The following CEP120 variants were observed in gnomAD, a reference collection of about 807,000 sequenced individuals.
CEP120 encodes the protein centrosomal protein 120.
Under a neutral mutation model 126.5 loss-of-function variants are expected in CEP120, and 113 were observed. The ratio of observed to expected loss-of-function variants is 0.89; its 90% CI spans 0.77 to 1.04. CEP120 has a LOEUF of 1.04. Among genes scored for constraint, CEP120 ranks in the 50% least tolerant of loss-of-function variants. The probability of loss-of-function intolerance (pLI) is 0.00; values close to 1 mark genes in which losing one functional copy is unlikely to be tolerated. For synonymous variants in CEP120, 400 were observed against 394.3 expected, an observed-to-expected ratio of 1.01 and a Z score of -0.17; for missense variants, 1,230 against 1,155.7, an observed-to-expected ratio of 1.06 and a Z score of -0.93.
In CEP120 at chr5:123,346,709, A is replaced by G. The variant is rs767823007; in HGVS notation, c.2771T>C (p.Ile924Thr). ...EQKQYQDSTE[I>T]ASGKKDGPHG... Reference sequence around the variant, plus strand: ...GGGGCCATCCTTTTTTCCACTTGCAATCTCTGTGGAATCCTGGTATTGTTT... The same window carrying G: ...GGGGCCATCCTTTTTTCCACTTGCAGTCTCTGTGGAATCCTGGTATTGTTT... The change falls in exon 20 of 20, where the codon ATT (isoleucine) becomes ACT (threonine). Residue 924 changes from isoleucine (I) to threonine (T), a missense_variant. Ile to Thr is a moderately conservative substitution (Grantham distance 89). Transcript: ENST00000306467. 8.7e-6 allele frequency: 14 copies of G among 1,613,006 alleles called. No homozygotes were observed. Among genetic ancestry groups the G allele is most frequent in the African/African-American group, 6.7e-5 (5 of 74,890 alleles).
intron 19 of CEP120, among the ~76,000 whole-genome samples, chr5:123,347,772 A>G (rs1186414492): frequency 5.3e-5 from 8 of 152,054 alleles, no homozygotes; most frequent in African/African-American, 1.9e-4. Context: ...CAGCCTCTCG[A>G]GTAGCTGGGA....
chr5:123,402,485 A>G, intron 4 of CEP120: 1 of 566,328 alleles, frequency 1.8e-6, no homozygotes, highest in Non-Finnish European at 2.7e-6. Context: ...ATCTCGGCTT[A>G]CTGCAACCTC....
At chr5:123,359,639 G>A (rs904313730) in intron 18 of CEP120, among the ~76,000 whole-genome samples, 1 of 151,524 alleles carries the variant, frequency 6.6e-6, no homozygotes, top group Non-Finnish European at 1.5e-5. Context: ...CAAACTTAAG[G>A]GTATCACTTC....
In CEP120 at chr5:123,393,502, A is replaced by C. The variant is rs747319378; in HGVS notation, c.613-5T>G. 2.5e-6 allele frequency: 4 copies of C among 1,610,308 alleles called. No homozygotes were observed. In the Admixed American group the frequency reaches 5.0e-5, roughly 20 times the overall value. On this transcript the variant is annotated splice_polypyrimidine_tract_variant and splice_region_variant and intron_variant, in intron 5 of 19. Transcript: ENST00000306467. ...TTTCATGGTACATGGAATTAACTAA[A>C]CATTTCAGGAAAAAGAAAACAGTTA... is the stretch of plus-strand genomic sequence containing the variant.
Position 123,400,276 on chromosome 5 carries a change from T to G in CEP120, c.464-992A>C, listed in dbSNP as rs1773091904. On this transcript the variant is annotated intron_variant, in intron 4 of 19. Coordinates refer to ENST00000306467, the MANE Select transcript of CEP120 (RefSeq NM_001375405.1). Reference sequence around the variant, plus strand: ...GTTGCACAGGGAACCCATATCCATCTCTTTTAGTCTCCATTTTTTTTTTTC... The same window carrying G: ...GTTGCACAGGGAACCCATATCCATCGCTTTTAGTCTCCATTTTTTTTTTTC... Among the ~76,000 whole-genome samples, 2 of 152,118 alleles carry G rather than the reference T, an allele frequency of 1.3e-5. 1 individual carries two copies. Among genetic ancestry groups the G allele is most frequent in the South Asian group, 4.1e-4 (2 of 4,832 alleles).
At chr5:123,352,872 A>G (rs942059976) in intron 18 of CEP120, among the ~76,000 whole-genome samples, 18 of 144,864 alleles carry the variant, frequency 1.2e-4, no homozygotes, top group Non-Finnish European at 2.4e-4. Context: ...TAAGACTAAC[A>G]TATTTCTTTG....
At chr5:123,346,879 A>C in intron 19 of CEP120, 126 bp from the exon 20 acceptor site, 1 of 667,588 alleles carries the variant, frequency 1.5e-6, no homozygotes, top group Non-Finnish European at 2.3e-6. Flanking sequence ...AAAACAAACC[A>C]AAAAAAACCA....
rs34074238 is a variant in CEP120 at position 123,407,105 on chromosome 5, T to TAAA, written c.463+5291_463+5293dup. Among the ~76,000 whole-genome samples, 26 of 124,762 alleles carry TAAA rather than the reference T, an allele frequency of 2.1e-4. 1 individual carries two copies. Among genetic ancestry groups the TAAA allele is most frequent in the Non-Finnish European group, 2.4e-4 (14 of 57,262 alleles). 81.8% of individuals were successfully genotyped at this position (124,762 alleles called of 152,430 possible). On this transcript the variant is annotated intron_variant, in intron 4 of 19. Coordinates refer to ENST00000306467, the MANE Select transcript of CEP120 (RefSeq NM_001375405.1). Reference sequence around the variant, plus strand: ...AACTCTAGGGCAACCACTAAAAAAGTAAAAAAAAAAAAAACAAAAAACAAA... The same window carrying TAAA: ...AACTCTAGGGCAACCACTAAAAAAGTAAAAAAAAAAAAAAAAACAAAAAACAAA...
rs752171934 is a variant in CEP120, at chr5:123,349,965, T to G, written c.2705A>C (p.Asp902Ala). The stretch of plus-strand genomic sequence containing the variant: ...ATACCTGTTCAATTCATTTCTTATA[T>G]CCAACAATTCTTGTCGCTCGGTTTT... ...TVKTERQELL[D>A]IRNELNRLRQ... The change falls in exon 19 of 20, where the codon GAT becomes GCT. Residue 902 changes from aspartate (D) to alanine (A), a missense_variant. Transcript: ENST00000306467. The G allele has an allele frequency of 3.1e-6, 5 of 1,613,726 alleles. No individual in the cohort carries two copies. The South Asian group carries it at 4.4e-5, about 14-fold the overall frequency.
At chr5:123,355,173 T>A (rs1296583304) in intron 18 of CEP120, among the ~76,000 whole-genome samples, 1 of 152,204 alleles carries the variant, frequency 6.6e-6, no homozygotes, top group Non-Finnish European at 1.5e-5. Context: ...ATTTTCTTAA[T>A]CCAGTCTATC....
intron 15 of CEP120, 151 bp downstream of exon 15, chr5:123,378,185 T>C: frequency 1.8e-6 from 1 of 563,286 alleles, no homozygotes; most frequent in Middle Eastern, 2.8e-4. Context: ...AGTGCCTCTA[T>C]TCCAGTCTTT....
At chr5:123,404,015 G>T (rs935344602) in intron 4 of CEP120, among the ~76,000 whole-genome samples, 1 of 152,168 alleles carries the variant, frequency 6.6e-6, no homozygotes, top group Non-Finnish European at 1.5e-5. Flanking sequence ...AATGTAATAA[G>T]GTTACATGTG....
At chr5:123,396,687 G>T (rs959840634) in intron 5 of CEP120, among the ~76,000 whole-genome samples, 16 of 152,134 alleles carry the variant, frequency 1.1e-4, no homozygotes, top group Non-Finnish European at 1.9e-4. Context: ...TAAGTAACTT[G>T]CCTAAGTTGA....
intron 18 of CEP120, among the ~76,000 whole-genome samples, chr5:123,354,298 G>A (rs940757982): frequency 1.3e-5 from 2 of 152,052 alleles, no homozygotes; most frequent in African/African-American, 2.4e-5. Flanking sequence ...GGAATGTGTT[G>A]AGAATTGTAG....
chr5:123,403,269 G>A (rs1308599221), intron 4 of CEP120: 1 of 455,958 alleles, frequency 2.2e-6, no homozygotes, highest in East Asian at 7.0e-5. Flanking sequence ...AAGGAAGCAG[G>A]GCTCCTTAGA....
chr5:123,388,747 G>T, intron 8 of CEP120, 141 bp from the exon 9 acceptor site: 1 of 553,824 alleles, frequency 1.8e-6, no homozygotes, highest in Non-Finnish European at 2.9e-6. Flanking sequence ...ATGAATTGAG[G>T]TATAAGTATC....
chr5:123,377,400 C>T lies in CEP120; in HGVS notation c.2332G>A (p.Glu778Lys). ...TGTTGCTGAAGGCGGTGTTTATCCTCTTCGAGCTGTTTGATTTTTAACCTT... is the reference window on the plus strand; with the variant it reads ...TGTTGCTGAAGGCGGTGTTTATCCTTTTCGAGCTGTTTGATTTTTAACCTT... Reference protein sequence around the residue: ...LERLKIKQLEEDKHRLQQQLN... With the variant: ...LERLKIKQLEKDKHRLQQQLN... The change falls in exon 16 of 20, where the codon GAG becomes AAG. Residue 778 changes from glutamate to lysine, a missense_variant. Physicochemically the swap from Glu to Lys is moderately conservative, Grantham distance 56 (BLOSUM62 1). Coordinates refer to ENST00000306467, the MANE Select transcript of CEP120 (RefSeq NM_001375405.1). The T allele has an allele frequency of 6.2e-7, 1 of 1,610,492 alleles. No homozygotes were observed. Among genetic ancestry groups the T allele is most frequent in the Non-Finnish European group, 8.5e-7 (1 of 1,178,924 alleles).
Position 123,388,580 on chromosome 5 carries a change from C to T in CEP120, c.1282G>A (p.Ala428Thr). The T allele has an allele frequency of 6.3e-7, 1 of 1,592,428 alleles. No homozygotes were observed. ...KASSSVPASL[A>T]QLVTTSNASE... ...GCATTGGATGTAGTCACTAGCTGGG[C>T]CAGTGAAGCAGGTACAGAAGAACTG... Residue 428 changes from alanine to threonine, a missense_variant, in exon 9 of 20, where the codon GCC (alanine) becomes ACC (threonine). Coordinates refer to ENST00000306467, the MANE Select transcript of CEP120 (RefSeq NM_001375405.1).
chr5:123,397,916 T>C (rs1772900285), intron 5 of CEP120, among the ~76,000 whole-genome samples: 1 of 152,098 alleles, frequency 6.6e-6, no homozygotes, highest in Non-Finnish European at 1.5e-5. Flanking sequence ...AAACCCTGTC[T>C]CTACAAAAAA....
Sources: gnomAD v4.1 joint callset for allele counts (sites outside exome capture counted in the v4.1 genomes callset) on GRCh38, gnomAD v4.1.1 for gene constraint, MANE v1.5 for transcripts, NCBI Gene and HGNC (gene_info 2026-07-23, HGNC 2026-07-21) for gene names.